The following LMBR1 variants were observed in gnomAD, a reference collection of about 807,000 sequenced individuals.
LMBR1 encodes the protein limb region 1 protein homolog.
A neutral mutation model predicts 73.9 loss-of-function variants in LMBR1; 52 were observed. The observed-to-expected ratio is 0.70, with a 90% CI of 0.56 to 0.89. The LOEUF is 0.89. LMBR1 is among the 40% of genes least tolerant of loss of function. The pLI is 0.00. For synonymous variants in LMBR1, 215 were observed against 209.4 expected (o/e 1.03, Z -0.23); for missense variants, 539 against 579.8 (o/e 0.93, Z 0.72).
chr7:156,744,343 CTT>C (rs527479194), intron 9 of LMBR1, among the ~76,000 whole-genome samples: 2 of 144,024 alleles, frequency 1.4e-5, no homozygotes. Flanking sequence ...TTTGTAAGGG[CTT>C]TTTTTTTTTT....
At position 156,793,392 on chromosome 7, in the gene LMBR1, T is replaced by C. The variant is rs115683645; in HGVS notation, c.423+2997A>G. 3.3e-3 allele frequency among the ~76,000 whole-genome samples: 497 copies of C among 152,322 alleles called. 6 individuals are homozygous for C. The highest frequency in any genetic ancestry group is 0.011 in the African/African-American group (460 of 41,580). ...ACCGAAAAATATGAATATTTTAAAA[T>C]AACATGTCTTGATTAGCTTAATTTT... On this transcript the variant is annotated intron_variant, in intron 5 of 16. Coordinates refer to ENST00000353442, the MANE Select transcript of LMBR1 (RefSeq NM_022458.4).
chr7:156,844,787 C>T (rs73167904), intron 1 of LMBR1, among the ~76,000 whole-genome samples: 10,424 of 152,226 alleles, frequency 0.068, 502 homozygotes, highest in South Asian at 0.12. Flanking sequence ...AAGAAGGCAA[C>T]GCAGCCCTGG....
At chr7:156,819,049 G>T (rs111753413) in intron 4 of LMBR1, among the ~76,000 whole-genome samples, 4,812 of 152,160 alleles carry the variant, frequency 0.032, 122 homozygotes, top group South Asian at 0.083. Flanking sequence ...ATCATCATCA[G>T]GTCTCCTAAC....
chr7:156,892,009 T>A (rs1369911433), intron 1 of LMBR1, among the ~76,000 whole-genome samples: 3 of 152,124 alleles, frequency 2.0e-5, no homozygotes, highest in African/African-American at 7.2e-5. Context: ...CATAAAAAAT[T>A]GACATATTTT....
chr7:156,796,526 A>G, intron 4 of LMBR1, 34 bp from the exon 5 acceptor site: 1 of 1,391,222 alleles, frequency 7.2e-7, no homozygotes, highest in Non-Finnish European at 9.9e-7. Flanking sequence ...GAAGAAAAAC[A>G]GGTTAGATAT....
At chr7:156,833,136 C>T (rs1355983271) in intron 3 of LMBR1, among the ~76,000 whole-genome samples, 1 of 152,144 alleles carries the variant, frequency 6.6e-6, no homozygotes, top group Non-Finnish European at 1.5e-5. Context: ...GTTCTACTTC[C>T]ACCTTTTCTA....
chr7:156,816,997 C>T (rs1834013446), intron 4 of LMBR1, among the ~76,000 whole-genome samples: 1 of 152,044 alleles, frequency 6.6e-6, no homozygotes, highest in African/African-American at 2.4e-5. Context: ...AGTAGTCAAA[C>T]CCTAAAAAAT....
intron 2 of LMBR1, 46 bp downstream of exon 2, chr7:156,836,767 C>G: frequency 8.1e-7 from 1 of 1,230,580 alleles, no homozygotes; most frequent in African/African-American, 1.5e-5. Flanking sequence ...ATGCCTAGAC[C>G]ATGTGGCATT....
At chr7:156,878,818 T>C (rs1800611948) in intron 1 of LMBR1, among the ~76,000 whole-genome samples, 2 of 152,142 alleles carry the variant, frequency 1.3e-5, no homozygotes, top group South Asian at 2.1e-4. Flanking sequence ...TATAAGGCCG[T>C]AGTCTCCGAA....
chr7:156,735,641 T>C (rs1353344309), intron 9 of LMBR1, among the ~76,000 whole-genome samples: 3 of 151,448 alleles, frequency 2.0e-5, no homozygotes, highest in Non-Finnish European at 4.4e-5. Context: ...TTGTTTTTCA[T>C]CCTAGACTGT....
At chr7:156,692,075 G>A (rs149329642) in intron 15 of LMBR1, among the ~76,000 whole-genome samples, 81 of 152,156 alleles carry the variant, frequency 5.3e-4, no homozygotes, top group African/African-American at 1.9e-3. Context: ...TGAAGCAAAC[G>A]CTTTACCTTT....
chr7:156,855,648 CA>C (rs1796840903), intron 1 of LMBR1, among the ~76,000 whole-genome samples: 2 of 121,596 alleles, frequency 1.6e-5, no homozygotes, highest in South Asian at 5.3e-4. Context: ...GCTCACAGAC[CA>C]ACAAACAACG....
chr7:156,710,200 C>T (rs1011974123), intron 15 of LMBR1, among the ~76,000 whole-genome samples: 48 of 152,012 alleles, frequency 3.2e-4, no homozygotes, highest in Non-Finnish European at 5.0e-4. Flanking sequence ...CCACCGTGCC[C>T]GGCCCAGAAG....
chr7:156,839,794 G>A (rs1179210515), intron 1 of LMBR1, among the ~76,000 whole-genome samples: 1 of 152,176 alleles, frequency 6.6e-6, no homozygotes, highest in Non-Finnish European at 1.5e-5. Context: ...AAGATTCCCT[G>A]CCACTGGAAG....
Position 156,815,812 on chromosome 7 carries a change from C to A in LMBR1, c.319+10793G>T, listed in dbSNP as rs1833820691. Among the ~76,000 whole-genome samples the A allele has an allele frequency of 2.0e-5, 3 of 151,984 alleles. No individual in the cohort carries two copies. The South Asian group carries it at 6.2e-4, about 32-fold the overall frequency. On this transcript the variant is annotated intron_variant, in intron 4 of 16. Coordinates refer to ENST00000353442, the MANE Select transcript of LMBR1 (RefSeq NM_022458.4). ...TATAAATCCTCGAATACTAAGGGTC[C>A]ACTATGCTTTTATATTCAGAAGAAA...
At chr7:156,885,315 T>A (rs560773138) in intron 1 of LMBR1, among the ~76,000 whole-genome samples, 1 of 150,334 alleles carries the variant, frequency 6.7e-6, no homozygotes, top group African/African-American at 2.5e-5. Context: ...ATCGCTCCAC[T>A]GCATTCCAGC....
At position 156,738,201 on chromosome 7, in the gene LMBR1, T is replaced by C. The variant is rs1044663075; in HGVS notation, c.758-3944A>G. ...GGGAGAGCACAACAAATGGGGGACATAGAATTGCACCAATGCTGCCCTGTC... is the reference window on the plus strand; with the variant it reads ...GGGAGAGCACAACAAATGGGGGACACAGAATTGCACCAATGCTGCCCTGTC... On this transcript the variant is annotated intron_variant, in intron 9 of 16. Transcript: ENST00000353442. 5.3e-5 allele frequency among the ~76,000 whole-genome samples: 8 copies of C among 151,992 alleles called. No individual in the cohort carries two copies. In the South Asian group the frequency reaches 6.2e-4, roughly 12 times the overall value.
Position 156,823,418 on chromosome 7 carries a change from A to G in LMBR1, c.319+3187T>C, listed in dbSNP as rs1229742214. On this transcript the variant is annotated intron_variant, in intron 4 of 16. Transcript: ENST00000353442. The stretch of plus-strand genomic sequence containing the variant: ...AATACTCATTAGCCTAATAATTTTC[A>G]TTCTAATTTCCATGTAAAGAAATTG... 2.6e-5 allele frequency: 4 copies of G among 152,298 alleles called. No individual in the cohort carries two copies. The East Asian group carries it at 7.7e-4, about 29-fold the overall frequency. 9.4% of individuals were successfully genotyped at this position (152,298 alleles called of 1,614,324 possible).
chr7:156,790,164 T>C (rs1010333595), intron 5 of LMBR1, among the ~76,000 whole-genome samples: 1 of 152,138 alleles, frequency 6.6e-6, no homozygotes, highest in Non-Finnish European at 1.5e-5. Context: ...AATATGTCAA[T>C]ACCAATGTAA....
Sources: gnomAD v4.1 joint callset for allele counts (sites outside exome capture counted in the v4.1 genomes callset) on GRCh38, gnomAD v4.1.1 for gene constraint, MANE v1.5 for transcripts, NCBI Gene and HGNC (gene_info 2026-07-23, HGNC 2026-07-21) for gene names.